Variants in PAPLN observed in about 807,000 individuals in gnomAD.
PAPLN encodes the protein papilin.
Under a neutral mutation model 159.0 loss-of-function variants are expected in PAPLN, and 146 were observed. That is an observed-to-expected ratio of 0.92 (90% CI 0.80 to 1.05). The LOEUF (loss-of-function observed/expected upper bound fraction) is 1.05. Ranked by LOEUF, PAPLN falls within the 50% of genes least tolerant of loss-of-function variation. The probability of loss-of-function intolerance (pLI) is 0.00; values close to 1 mark genes in which losing one functional copy is unlikely to be tolerated. For missense variants in PAPLN, 1,720 were observed against 1,743.9 expected (o/e 0.99, Z 0.24); for synonymous variants, 734 against 702.9 (o/e 1.04, Z -0.70).
At chr14:73,259,617 ATC>A in intron 16 of PAPLN, 72 bp downstream of exon 16, 1 of 1,417,414 alleles carries the variant, frequency 7.1e-7, no homozygotes, top group South Asian at 1.6e-5. Context: ...GTGGGCCAAC[ATC>A]TCTGATCAGA....
rs1409613371 is a variant in PAPLN at position 73,260,723 on chromosome 14, C to T, written c.2000C>T (p.Pro667Leu). The T allele has an allele frequency of 2.7e-6, 4 of 1,471,640 alleles. No homozygotes were observed. The African/African-American group carries it at 5.8e-5, about 21-fold the overall frequency. 91.2% of individuals were successfully genotyped at this position (1,471,640 alleles called of 1,614,324 possible). A position where few individuals can be genotyped will look rare whatever the true frequency, so the allele number is the denominator to read the frequency against. ...TGTCTGCCTAGGTACGGGTGCTGCC[C>T]TGACAGGGTATCTGTCGCTGAGGGG... ...PCQQSRYGCC[P>L]DRVSVAEGPH... The change falls in exon 17 of 27, where the codon CCT becomes CTT. Residue 667 changes from proline (P) to leucine (L), a missense_variant. Physicochemically the swap from Pro to Leu is moderately conservative, Grantham distance 98 (BLOSUM62 -3). Coordinates refer to ENST00000644200, the MANE Select transcript of PAPLN (RefSeq NM_001365906.3).
In PAPLN at chr14:73,259,070, G is replaced by T; in HGVS notation, c.1708+11G>T. On this transcript the variant is annotated intron_variant, in intron 15 of 26. Coordinates refer to ENST00000644200, the MANE Select transcript of PAPLN (RefSeq NM_001365906.3). ...AGTCCCCTGCCTCAGGTGAGAGCCT[G>T]GTCCCGTCCCCCACTCAGAGCCCTG... 1 of 1,606,282 alleles carries T rather than the reference G, an allele frequency of 6.2e-7. No homozygotes were observed. Among genetic ancestry groups the T allele is most frequent in the Non-Finnish European group, 8.5e-7 (1 of 1,176,064 alleles).
chr14:73,251,696 A>T lies in PAPLN; in HGVS notation c.703A>T (p.Asn235Tyr). 1 of 1,613,396 alleles carries T rather than the reference A, an allele frequency of 6.2e-7. No individual in the cohort carries two copies. The highest frequency in any genetic ancestry group is 1.7e-5 in the Admixed American group (1 of 60,022). Reference protein sequence around the residue: ...VKNVRGEYYLNGHWTIEAARA... With the variant: ...VKNVRGEYYLYGHWTIEAARA... The stretch of plus-strand genomic sequence containing the variant: ...GAATGTTCGTGGGGAATACTACCTC[A>T]ATGGGCACTGGACCATCGAGGCGGC... The change falls in exon 9 of 27, where the codon AAT (asparagine) becomes TAT (tyrosine). Residue 235 changes from asparagine (N) to tyrosine (Y), a missense_variant. Physicochemically the swap from Asn to Tyr is moderately radical, Grantham distance 143. Transcript: ENST00000644200.
At chr14:73,256,389 G>A (rs1263599380) in intron 14 of PAPLN, among the ~76,000 whole-genome samples, 1 of 151,990 alleles carries the variant, frequency 6.6e-6, no homozygotes, top group Non-Finnish European at 1.5e-5. Context: ...AAAATTAGCT[G>A]GGCGTTGTGG....
intron 2 of PAPLN, among the ~76,000 whole-genome samples, chr14:73,241,084 G>T (rs1018987777): frequency 1.3e-5 from 2 of 152,104 alleles, no homozygotes; most frequent in Non-Finnish European, 2.9e-5. Flanking sequence ...GGTGTGTGGG[G>T]CAGGCAGGAT....
chr14:73,255,604 C>T (rs1399759603), intron 14 of PAPLN, among the ~76,000 whole-genome samples: 2 of 150,318 alleles, frequency 1.3e-5, no homozygotes, highest in African/African-American at 4.9e-5. Flanking sequence ...GCACTGAGGC[C>T]AGTGTTTGCG....
Position 73,245,872 on chromosome 14 carries a change from C to T in PAPLN, c.231+176C>T, listed in dbSNP as rs1167124831. The T allele has an allele frequency of 1.1e-6, 1 of 931,880 alleles. No homozygotes were observed. Among genetic ancestry groups the T allele is most frequent in the African/African-American group, 1.7e-5 (1 of 60,376 alleles). The allele number at this position is 931,880 out of a possible 1,614,324, so 57.7% of individuals were successfully genotyped here. A position where few individuals can be genotyped will look rare whatever the true frequency, so the allele number is the denominator to read the frequency against. On this transcript the variant is annotated intron_variant, in intron 4 of 26. Coordinates refer to ENST00000644200, the MANE Select transcript of PAPLN (RefSeq NM_001365906.3). This position sits in a 1 kb window ranked among gnomAD's most constrained non-coding sequence, Gnocchi z 4.2. ...CCCTTCCTCACCCTGCTCCCGGGGA[C>T]TGGCCTTGCCCTCCACAGCCTAGAG...
rs1297300806 is a variant in PAPLN, at chr14:73,272,596, T to C, written c.3769T>C (p.Tyr1257His). The C allele has an allele frequency of 6.2e-7, 1 of 1,601,824 alleles. No individual in the cohort carries two copies. Among genetic ancestry groups the C allele is most frequent in the Admixed American group, 1.7e-5 (1 of 59,824 alleles). The change falls in exon 27 of 27, where the codon TAT becomes CAT. Residue 1257 changes from tyrosine to histidine, a missense_variant. Physicochemically the swap from Tyr to His is moderately conservative, Grantham distance 83. Coordinates refer to ENST00000644200, the MANE Select transcript of PAPLN (RefSeq NM_001365906.3). ...GCAGGCCCAGCTTTGTGGCAATGAG[T>C]ATTACTCCAGCTTCTGCTGTGCCAG... ...ILQAQLCGNE[Y>H]YSSFCCASCS...
chr14:73,255,979 G>A (rs1056347029), intron 14 of PAPLN, among the ~76,000 whole-genome samples: 1 of 152,216 alleles, frequency 6.6e-6, no homozygotes, highest in Non-Finnish European at 1.5e-5. Flanking sequence ...GCAGCACAAC[G>A]CCTGACCGCA....
Position 73,245,975 on chromosome 14 carries a change from A to G in PAPLN, c.232-98A>G. 8.0e-7 allele frequency: 1 copy of G among 1,246,100 alleles called. No individual in the cohort carries two copies. Among genetic ancestry groups the G allele is most frequent in the Non-Finnish European group, 1.1e-6 (1 of 926,844 alleles). The allele number at this position is 1,246,100 out of a possible 1,614,324, so 77.2% of individuals were successfully genotyped here. A position where few individuals can be genotyped will look rare whatever the true frequency, so the allele number is the denominator to read the frequency against. On this transcript the variant is annotated intron_variant, in intron 4 of 26. Coordinates refer to ENST00000644200, the MANE Select transcript of PAPLN (RefSeq NM_001365906.3). The surrounding 1 kb of genome is among the most constrained non-coding windows in gnomAD (Gnocchi z 4.2). ...CTCCGGCGGCTCCGATGGGGCAGGC[A>G]AGGGAGACTCCTGGGCTCCCTGGGC...
chr14:73,244,403 C>T (rs906491352), intron 2 of PAPLN: 1 of 454,854 alleles, frequency 2.2e-6, no homozygotes, highest in Admixed American at 3.9e-5. Context: ...TTCCCAGCTG[C>T]TCCTGCTCCC....
rs571945407 is a variant in PAPLN at position 73,252,755 on chromosome 14, C to G, written c.1074C>G (p.His358Gln). The change falls in exon 11 of 27, where the codon CAC (histidine) becomes CAG (glutamine). Residue 358 changes from histidine to glutamine, a missense_variant. His to Gln is a conservative substitution (Grantham distance 24). Transcript: ENST00000644200. ...RPADRRSCNL[H>Q]PCPETKRWKA... ...CTGACCGGCGTTCCTGCAATCTTCA[C>G]CCTTGCCCGGAGACCAAGCGGTGAG... 4.7e-5 allele frequency: 76 copies of G among 1,613,542 alleles called. 3 individuals carry two copies. In the South Asian group the frequency reaches 8.1e-4, roughly 17 times the overall value.
chr14:73,251,801 G>A lies in PAPLN; in HGVS notation c.808G>A (p.Ala270Thr). The A allele has an allele frequency of 6.2e-7, 1 of 1,601,894 alleles. No individual in the cohort carries two copies. Among genetic ancestry groups the A allele is most frequent in the Non-Finnish European group, 8.5e-7 (1 of 1,176,108 alleles). The change falls in exon 9 of 27, where the codon GCC (alanine) becomes ACC (threonine). Residue 270 changes from alanine to threonine, a missense_variant. By Grantham distance (58) the Ala-to-Thr change is moderately conservative (BLOSUM62 0). Coordinates refer to ENST00000644200, the MANE Select transcript of PAPLN (RefSeq NM_001365906.3). ...EGDLAPERLH[A>T]RGPTSEPLVI... Reference sequence around the variant, plus strand: ...GGACCTGGCCCCTGAGCGACTCCATGCCCGGGGCCCCACCTCGGAGCCCCT... The same window carrying A: ...GGACCTGGCCCCTGAGCGACTCCATACCCGGGGCCCCACCTCGGAGCCCCT...
chr14:73,269,864 A>G (rs554956643), intron 26 of PAPLN, among the ~76,000 whole-genome samples: 112 of 152,182 alleles, frequency 7.4e-4, no homozygotes, highest in Non-Finnish European at 1.4e-3. Context: ...TCAGAGGGGC[A>G]GGCCTGGCTG....
Position 73,239,754 on chromosome 14 carries a change from C to T in PAPLN, c.-6-19C>T, listed in dbSNP as rs762868057. 55 of 1,578,668 alleles carry T rather than the reference C, an allele frequency of 3.5e-5. No homozygotes were observed. The highest frequency in any genetic ancestry group is 4.7e-5 in the Non-Finnish European group (55 of 1,169,292). On this transcript the variant is annotated intron_variant, in intron 1 of 26. Transcript: ENST00000644200. The stretch of plus-strand genomic sequence containing the variant: ...CTGCGGGAGCCCCGGGCCGCTCTAA[C>T]CCAATGCGTCTCCCGCAGGCTGAGA...
Position 73,259,335 on chromosome 14 carries a change from G to A in PAPLN, c.1775G>A (p.Arg592Gln), listed in dbSNP as rs529293201. ...GCCAGGGGTGACCACAGGGGAGAAC[G>A]AGGTGACCCCAGGGGCGACCAAGGC... ...PSARGDHRGE[R>Q]GDPRGDQGTH... is the part of the protein sequence containing the mutation. Residue 592 changes from arginine (R) to glutamine (Q), a missense_variant, in exon 16 of 27, where the codon CGA becomes CAA. Arg to Gln is a conservative substitution (Grantham distance 43, BLOSUM62 1). Transcript: ENST00000644200. 25 of 1,609,528 alleles carry A rather than the reference G, an allele frequency of 1.6e-5. No individual in the cohort carries two copies. The East Asian group carries it at 2.0e-4, about 13-fold the overall frequency.
chr14:73,246,103 G>A lies in PAPLN; in HGVS notation c.262G>A (p.Ala88Thr), dbSNP rs757894302. Residue 88 changes from alanine to threonine, a missense_variant, in exon 5 of 27, where the codon GCC becomes ACC. By Grantham distance (58) the Ala-to-Thr change is moderately conservative. Coordinates refer to ENST00000644200, the MANE Select transcript of PAPLN (RefSeq NM_001365906.3). ...SCPDGARDFR[A>T]EQCAEFDGAE... ...CCCCGACGGCGCCCGGGACTTCCGG[G>A]CCGAGCAGTGCGCGGAGTTCGACGG... 10 of 1,583,110 alleles carry A rather than the reference G, an allele frequency of 6.3e-6. No homozygotes were observed. In the South Asian group the frequency reaches 1.1e-4, roughly 18 times the overall value.
At chr14:73,256,040 TGTG>T (rs1885870909) in intron 14 of PAPLN, among the ~76,000 whole-genome samples, 1 of 152,070 alleles carries the variant, frequency 6.6e-6, no homozygotes, top group South Asian at 2.1e-4. Context: ...GGTGAGGCCT[TGTG>T]GGGGAGCTCG....
intron 12 of PAPLN, 145 bp from the exon 13 acceptor site, chr14:73,254,368 T>G (rs1594802742): frequency 2.1e-6 from 2 of 957,212 alleles, no homozygotes; most frequent in Non-Finnish European, 1.6e-6. Flanking sequence ...CTCAGGGGAG[T>G]GAGTCAGCCT....
Sources: gnomAD v4.1 joint callset for allele counts (sites outside exome capture counted in the v4.1 genomes callset) on GRCh38, gnomAD v4.1.1 for gene constraint, Gnocchi (gnomAD v3.1) non-coding constraint, MANE v1.5 for transcripts, NCBI Gene and HGNC (gene_info 2026-07-23, HGNC 2026-07-21) for gene names.